Variants in PPP1R21 observed in about 807,000 individuals in gnomAD.
PPP1R21 encodes the protein protein phosphatase 1 regulatory subunit 21.
A neutral mutation model predicts 112.8 loss-of-function variants in PPP1R21; 85 were observed. The observed-to-expected ratio is 0.75, with a 90% CI of 0.63 to 0.90. The LOEUF is 0.90. Ranked by LOEUF, PPP1R21 falls within the 40% of genes least tolerant of loss-of-function variation. PPP1R21 has a pLI of 0.00. For missense variants in PPP1R21, 1,199 were observed against 901.5 expected (o/e 1.33, Z -4.23); for synonymous variants, 381 against 322.3 (o/e 1.18, Z -1.95).
chr2:48,486,522 A>T, intron 13 of PPP1R21, 109 bp from the exon 14 acceptor site: 2 of 842,520 alleles, frequency 2.4e-6, no homozygotes, highest in Non-Finnish European at 3.7e-6. Context: ...TTCTTTGTCA[A>T]ATTTACTTTA....
chr2:48,458,966 C>A (rs980104624), intron 4 of PPP1R21, among the ~76,000 whole-genome samples: 6 of 151,966 alleles, frequency 3.9e-5, no homozygotes, highest in Middle Eastern at 3.4e-3. Context: ...GTGGTAGACA[C>A]CTGTAGTCCC....
At chr2:48,514,550 C>T (rs113702771) in intron 21 of PPP1R21, among the ~76,000 whole-genome samples, 165 bp from the exon 22 acceptor site, 39 of 152,146 alleles carry the variant, frequency 2.6e-4, no homozygotes, top group African/African-American at 9.2e-4. Context: ...AACTGCTTTG[C>T]GATTATTGAA....
At chr2:48,453,551 A>G (rs539896422) in intron 2 of PPP1R21, among the ~76,000 whole-genome samples, 2 of 152,212 alleles carry the variant, frequency 1.3e-5, no homozygotes, top group African/African-American at 4.8e-5. Context: ...GTGAATAAAA[A>G]GTTGTCAGAA....
chr2:48,477,848 A>T (rs868848887), intron 12 of PPP1R21, among the ~76,000 whole-genome samples: 3 of 152,258 alleles, frequency 2.0e-5, no homozygotes, highest in Middle Eastern at 3.4e-3. Context: ...CCCCAAAATA[A>T]TATGTGAAAT....
chr2:48,501,238 G>C (rs545198159), intron 17 of PPP1R21, among the ~76,000 whole-genome samples: 24 of 152,334 alleles, frequency 1.6e-4, no homozygotes, highest in African/African-American at 5.3e-4. Context: ...CTTGCCTTTA[G>C]ATTTTTCCTT....
At chr2:48,504,031 A>G (rs1255356927) in intron 17 of PPP1R21, among the ~76,000 whole-genome samples, 1 of 152,124 alleles carries the variant, frequency 6.6e-6, no homozygotes, top group Non-Finnish European at 1.5e-5. Context: ...CCATTTTCAA[A>G]TCATAACCCG....
Position 48,445,390 on chromosome 2 carries a change from C to G in PPP1R21, c.57+4380C>G, listed in dbSNP as rs186519930. ...TTAAATAATTTAATTAAAATAGCCA[C>G]TTGTAGCTATTGAGTACTCTGTTGG... On this transcript the variant is annotated intron_variant, in intron 1 of 21. Transcript: ENST00000294952. Among the ~76,000 whole-genome samples the G allele has an allele frequency of 2.0e-5, 3 of 152,278 alleles. No individual in the cohort carries two copies. In the East Asian group the frequency reaches 5.8e-4, roughly 29 times the overall value.
At chr2:48,456,674 C>G (rs6715766) in intron 3 of PPP1R21, among the ~76,000 whole-genome samples, 146,284 of 152,298 alleles carry the variant, frequency 0.96, 70,518 homozygotes, top group Middle Eastern at 0.99. Context: ...AGAAGCATTC[C>G]CGAGAGTGTT....
intron 2 of PPP1R21, among the ~76,000 whole-genome samples, chr2:48,452,331 T>C (rs945013162): frequency 1.3e-5 from 2 of 152,166 alleles, no homozygotes; most frequent in African/African-American, 2.4e-5. Context: ...GGCATTGTGC[T>C]AAGTCCATTA....
Position 48,477,497 on chromosome 2 carries a change from C to A in PPP1R21, c.1226-2427C>A, listed in dbSNP as rs147838804. Among the ~76,000 whole-genome samples, 278 of 152,230 alleles carry A rather than the reference C, an allele frequency of 1.8e-3. 2 individuals carry two copies. The highest frequency in any genetic ancestry group is 6.4e-3 in the African/African-American group (264 of 41,538). On this transcript the variant is annotated intron_variant, in intron 12 of 21. Coordinates refer to ENST00000294952, the MANE Select transcript of PPP1R21 (RefSeq NM_001135629.3). ...CATTTGCTGAAAAGCCTATTCTTTC[C>A]TTATTGAATGGTCTGGGTACCCTTG...
rs1448726983 is a variant in PPP1R21 at position 48,469,498 on chromosome 2, T to TAGAG, written c.898-1588_898-1587insGAGA. Among the ~76,000 whole-genome samples the TAGAG allele has an allele frequency of 2.4e-3, 117 of 49,416 alleles. 6 individuals carry two copies. The highest frequency in any genetic ancestry group is 6.5e-3 in the African/African-American group (58 of 8,946). 32.4% of individuals were successfully genotyped at this position (49,416 alleles called of 152,430 possible). A position where few individuals can be genotyped will look rare whatever the true frequency, so the allele number is the denominator to read the frequency against. On this transcript the variant is annotated intron_variant, in intron 9 of 21. Transcript: ENST00000294952. Reference sequence around the variant, plus strand: ...TATATATATATAGAGCATATATATATATATATAGAGCATATATATATATAT... The same window carrying TAGAG: ...TATATATATATAGAGCATATATATATAGAGATATATAGAGCATATATATATATAT...
At chr2:48,457,244 C>T (rs1009359862) in intron 3 of PPP1R21, among the ~76,000 whole-genome samples, 2 of 152,166 alleles carry the variant, frequency 1.3e-5, no homozygotes, top group Admixed American at 6.5e-5. Context: ...ACCCTGAATA[C>T]ATCGTTCTGC....
intron 4 of PPP1R21, among the ~76,000 whole-genome samples, chr2:48,459,207 G>A (rs1203840799): frequency 2.0e-5 from 3 of 150,412 alleles, no homozygotes; most frequent in East Asian, 1.9e-4. Context: ...AAACAGACAC[G>A]CTTTTCAGTC....
At chr2:48,484,199 G>A (rs532361673) in intron 13 of PPP1R21, among the ~76,000 whole-genome samples, 4 of 152,308 alleles carry the variant, frequency 2.6e-5, no homozygotes, top group African/African-American at 9.6e-5. Context: ...GACCATGCTT[G>A]TGTCTGTAAG....
chr2:48,457,164 G>A (rs1447493509), intron 3 of PPP1R21, among the ~76,000 whole-genome samples: 1 of 152,122 alleles, frequency 6.6e-6, no homozygotes, highest in Non-Finnish European at 1.5e-5. Context: ...TAGGACTGTT[G>A]AGCAGAGGTT....
Position 48,514,655 on chromosome 2 carries a change from CTA to C in PPP1R21, c.2314-58_2314-57del, listed in dbSNP as rs1670793351. The C allele has an allele frequency of 2.7e-5, 34 of 1,268,442 alleles. No individual in the cohort carries two copies. The South Asian group carries it at 3.8e-4, about 14-fold the overall frequency. 78.6% of individuals were successfully genotyped at this position (1,268,442 alleles called of 1,614,324 possible). A position where few individuals can be genotyped will look rare whatever the true frequency, so the allele number is the denominator to read the frequency against. On this transcript the variant is annotated intron_variant, in intron 21 of 21. Coordinates refer to ENST00000294952, the MANE Select transcript of PPP1R21 (RefSeq NM_001135629.3). The stretch of plus-strand genomic sequence containing the variant: ...GCTTTCAGACAGCTTGGTTTATAAA[CTA>C]TGTGAGTTATTTTTTTTTATGTTTA...
chr2:48,494,590 A>G (rs1669734178), intron 15 of PPP1R21, among the ~76,000 whole-genome samples: 3 of 150,904 alleles, frequency 2.0e-5, no homozygotes, highest in African/African-American at 4.9e-5. Flanking sequence ...TTGTTTTTGT[A>G]TTTTTAGTAG....
At position 48,458,241 on chromosome 2, in the gene PPP1R21, T is replaced by A; in HGVS notation, c.375+14T>A. Reference sequence around the variant, plus strand: ...TTGCATATACAAGTGAGAAAATCTGTTTTTCTATGTGAATTAAAAAATGGG... The same window carrying A: ...TTGCATATACAAGTGAGAAAATCTGATTTTCTATGTGAATTAAAAAATGGG... On this transcript the variant is annotated intron_variant, in intron 4 of 21. Transcript: ENST00000294952. 6.4e-7 allele frequency: 1 copy of A among 1,554,398 alleles called. No individual in the cohort carries two copies. The highest frequency in any genetic ancestry group is 8.9e-7 in the Non-Finnish European group (1 of 1,127,844).
rs1457718521 is a variant in PPP1R21 at position 48,486,757 on chromosome 2, A to G, written c.1445A>G (p.Lys482Arg). 1.9e-6 allele frequency: 3 copies of G among 1,611,714 alleles called. No individual in the cohort carries two copies. Among genetic ancestry groups the G allele is most frequent in the Non-Finnish European group, 2.5e-6 (3 of 1,179,064 alleles). Residue 482 changes from lysine to arginine, a missense_variant and splice_region_variant, in exon 14 of 22, where the codon AAG becomes AGG. Coordinates refer to ENST00000294952, the MANE Select transcript of PPP1R21 (RefSeq NM_001135629.3). ...GTGGCATTAACAAATGGAGCAGGAA[A>G]GGTAATTCTCTTCTGGCGTATATTG... Reference protein sequence around the residue: ...SVVALTNGAGKIASFFSNNLD... With the variant: ...SVVALTNGAGRIASFFSNNLD...
Sources: allele counts gnomAD v4.1 joint callset (sites outside exome capture counted in the v4.1 genomes callset), GRCh38; gene constraint gnomAD v4.1.1; transcripts MANE v1.5; gene names NCBI Gene and HGNC (gene_info 2026-07-23, HGNC 2026-07-21).